The following HDLBP variants were observed in gnomAD, a reference collection of about 807,000 sequenced individuals.
HDLBP encodes vigilin.
Under a neutral mutation model 137.3 loss-of-function variants are expected in HDLBP, and 30 were observed. That is an observed-to-expected ratio of 0.22 (90% CI 0.16 to 0.30). The LOEUF (loss-of-function observed/expected upper bound fraction) is 0.30. Among genes scored for constraint, HDLBP ranks in the 10% least tolerant of loss-of-function variants. The pLI, the probability that HDLBP is intolerant of heterozygous loss-of-function variation, is 1.00. For synonymous variants in HDLBP, 606 were observed against 596.0 expected (o/e 1.02, Z -0.24); for missense variants, 1,119 against 1,667.3 (o/e 0.67, Z 5.73).
At chr2:241,296,110 A>G (rs1460854946) in intron 1 of HDLBP, among the ~76,000 whole-genome samples, 1 of 151,922 alleles carries the variant, frequency 6.6e-6, no homozygotes, top group African/African-American at 2.4e-5. Context: ...CAAAAAAAAA[A>G]AAAAAAAAGC....
intron 11 of HDLBP, chr2:241,250,289 T>C (rs1026156425): frequency 6.7e-5 from 16 of 240,246 alleles, no homozygotes; most frequent in South Asian, 2.4e-4. Context: ...GTCTGGGGTA[T>C]TGGCCAGGGC....
chr2:241,311,284 A>G (rs767388463), intron 1 of HDLBP, among the ~76,000 whole-genome samples: 3 of 152,250 alleles, frequency 2.0e-5, no homozygotes, highest in Non-Finnish European at 4.4e-5. Flanking sequence ...ACCGCGGAGC[A>G]AAATGATGTC....
intron 7 of HDLBP, 52 bp downstream of exon 7, chr2:241,256,132 A>C: frequency 1.2e-5 from 17 of 1,407,008 alleles, no homozygotes; most frequent in Non-Finnish European, 1.4e-5. Flanking sequence ...CCAGACCCAA[A>C]TCCTCATTTC....
Position 241,256,699 on chromosome 2 carries a change from G to T in HDLBP, c.558C>A (p.Ile186=). The T allele has an allele frequency of 6.2e-7, 1 of 1,614,218 alleles. No homozygotes were observed. Among genetic ancestry groups the T allele is most frequent in the Non-Finnish European group, 8.5e-7 (1 of 1,180,046 alleles). ...LELKTATKIQ[I]PRPDDPSNQI... The stretch of plus-strand genomic sequence containing the variant: ...GATTGCTGGGGTCATCTGGGCGTGG[G>T]ATCTGGATTTTGGTTGCAGTTTTTA... Residue 186 remains isoleucine, a synonymous_variant, in exon 6 of 28, where the codon ATC becomes ATA. Transcript: ENST00000310931.
At chr2:241,252,164 G>C (rs1376854044) in intron 11 of HDLBP, among the ~76,000 whole-genome samples, 1 of 152,074 alleles carries the variant, frequency 6.6e-6, no homozygotes, top group East Asian at 1.9e-4. Context: ...CCTGGCACAG[G>C]TGAGGCATAT....
At chr2:241,229,988 G>A in intron 26 of HDLBP, 27 bp from the exon 27 acceptor site, 5 of 1,582,268 alleles carry the variant, frequency 3.2e-6, no homozygotes, top group Non-Finnish European at 4.3e-6. Context: ...GGAAGACAGG[G>A]TCAGTCTGCC....
rs748619842 is a variant in HDLBP at position 241,233,704 on chromosome 2, C to A, written c.3288+116G>T. The A allele has an allele frequency of 2.1e-4, 229 of 1,115,872 alleles. No individual in the cohort carries two copies. Among genetic ancestry groups the A allele is most frequent in the Non-Finnish European group, 2.8e-4 (213 of 764,700 alleles). The allele number at this position is 1,115,872 out of a possible 1,614,324, so 69.1% of individuals were successfully genotyped here. A position where few individuals can be genotyped will look rare whatever the true frequency, so the allele number is the denominator to read the frequency against. On this transcript the variant is annotated intron_variant, in intron 24 of 27. Coordinates refer to ENST00000310931, the MANE Select transcript of HDLBP (RefSeq NM_005336.6). This position sits in a 1 kb window ranked among gnomAD's most constrained non-coding sequence, Gnocchi z 4.3. ...CCAGAATTAGGTCCTGAGAGACTTG[C>A]CACTCTCAACTTGGCCCTCGAACCC...
chr2:241,306,574 T>C (rs1225210029), intron 1 of HDLBP, among the ~76,000 whole-genome samples: 1 of 152,034 alleles, frequency 6.6e-6, no homozygotes, highest in African/African-American at 2.4e-5. Flanking sequence ...TTTCTTATTT[T>C]TAAAAGAAAG....
At chr2:241,294,550 C>T (rs2075113074) in intron 1 of HDLBP, among the ~76,000 whole-genome samples, 1 of 152,178 alleles carries the variant, frequency 6.6e-6, no homozygotes, top group South Asian at 2.1e-4. Context: ...GCCTTGAACT[C>T]CTGGGCTCAA....
rs755217872 is a variant in HDLBP, at chr2:241,233,808, C to A, written c.3288+12G>T. 4.3e-6 allele frequency: 7 copies of A among 1,613,902 alleles called. No homozygotes were observed. The highest frequency in any genetic ancestry group is 2.7e-5 in the African/African-American group (2 of 74,900). On this transcript the variant is annotated intron_variant, in intron 24 of 27. Coordinates refer to ENST00000310931, the MANE Select transcript of HDLBP (RefSeq NM_005336.6). The surrounding 1 kb of genome is among the most constrained non-coding windows in gnomAD (Gnocchi z 4.3). ...ACCTCTGCCCCCGACACGCTCCAACCGAGGCTCTCACCTGGTTCCCATCGT... is the reference window on the plus strand; with the variant it reads ...ACCTCTGCCCCCGACACGCTCCAACAGAGGCTCTCACCTGGTTCCCATCGT...
intron 2 of HDLBP, 83 bp from the exon 3 acceptor site, chr2:241,266,989 G>A: frequency 3.9e-6 from 4 of 1,012,890 alleles, no homozygotes; most frequent in Non-Finnish European, 6.2e-6. Flanking sequence ...TTTTAGCAAA[G>A]TTTTACTCTC....
chr2:241,250,010 G>A, intron 11 of HDLBP, 30 bp from the exon 12 acceptor site: 1 of 1,576,816 alleles, frequency 6.3e-7, no homozygotes, highest in East Asian at 2.2e-5. Flanking sequence ...ACACATTTAG[G>A]ACACAGACCA....
chr2:241,282,187 T>C (rs906856534), intron 1 of HDLBP, among the ~76,000 whole-genome samples: 1 of 152,220 alleles, frequency 6.6e-6, no homozygotes, highest in African/African-American at 2.4e-5. Context: ...AAGGACTCTT[T>C]AATAACCCAT....
Position 241,272,159 on chromosome 2 carries a change from G to C in HDLBP, c.-102-3618C>G, listed in dbSNP as rs539477482. On this transcript the variant is annotated intron_variant, in intron 1 of 27. Coordinates refer to ENST00000310931, the MANE Select transcript of HDLBP (RefSeq NM_005336.6). This position sits in a 1 kb window ranked among gnomAD's most constrained non-coding sequence, Gnocchi z 5.6. ...AAGAAGAGCAGCTTTCCCCACCCCC[G>C]AACACGTAGACTGACGCGGGCCCCG... The C allele has an allele frequency of 1.0e-6, 1 of 984,978 alleles. No homozygotes were observed. Among genetic ancestry groups the C allele is most frequent in the South Asian group, 4.7e-5 (1 of 21,282 alleles). 61.0% of individuals were successfully genotyped at this position (984,978 alleles called of 1,614,324 possible).
intron 8 of HDLBP, 76 bp from the exon 9 acceptor site, chr2:241,255,234 G>A (rs1317876999): frequency 2.1e-6 from 3 of 1,460,280 alleles, no homozygotes; most frequent in Non-Finnish European, 2.9e-6. Context: ...CTGCTCACCT[G>A]GGGCTCAGAG....
chr2:241,272,635 G>T lies in HDLBP; in HGVS notation c.-102-4094C>A. 1.0e-6 allele frequency: 1 copy of T among 970,988 alleles called. No homozygotes were observed. Among genetic ancestry groups the T allele is most frequent in the South Asian group, 4.8e-5 (1 of 21,012 alleles). 60.1% of individuals were successfully genotyped at this position (970,988 alleles called of 1,614,324 possible). ...AGCCTGGGGCCCGGGTGGGGGCCGC[G>T]GCACCCGGGCCCCTCCCCCTCCGCG... On this transcript the variant is annotated intron_variant, in intron 1 of 27. Coordinates refer to ENST00000310931, the MANE Select transcript of HDLBP (RefSeq NM_005336.6). This position sits in a 1 kb window ranked among gnomAD's most constrained non-coding sequence, Gnocchi z 5.6.
chr2:241,230,114 C>T lies in HDLBP; in HGVS notation c.3591+39G>A. 1 of 1,592,770 alleles carries T rather than the reference C, an allele frequency of 6.3e-7. No homozygotes were observed. Among genetic ancestry groups the T allele is most frequent in the Non-Finnish European group, 8.6e-7 (1 of 1,161,146 alleles). On this transcript the variant is annotated intron_variant, in intron 26 of 27. Coordinates refer to ENST00000310931, the MANE Select transcript of HDLBP (RefSeq NM_005336.6). The surrounding 1 kb of genome is among the most constrained non-coding windows in gnomAD (Gnocchi z 5.0). ...GCTGGGCCTCAGGCCGGTGGACGTGCCAGGGCGCCTCAGGGCTCCAAGGCC... is the reference window on the plus strand; with the variant it reads ...GCTGGGCCTCAGGCCGGTGGACGTGTCAGGGCGCCTCAGGGCTCCAAGGCC...
chr2:241,257,377 C>T (rs757259182), intron 5 of HDLBP, among the ~76,000 whole-genome samples: 17 of 152,130 alleles, frequency 1.1e-4, no homozygotes, highest in African/African-American at 2.9e-4. Flanking sequence ...GGACTACAGG[C>T]GTGCGCCACC....
At chr2:241,241,784 G>A (rs979519404) in intron 17 of HDLBP, among the ~76,000 whole-genome samples, 2 of 152,008 alleles carry the variant, frequency 1.3e-5, no homozygotes, top group Non-Finnish European at 2.9e-5. Flanking sequence ...ACATAAAAAT[G>A]TGCTAAAAAT....
Sources: gnomAD v4.1 joint callset for allele counts (sites outside exome capture counted in the v4.1 genomes callset) on GRCh38, gnomAD v4.1.1 for gene constraint, Gnocchi (gnomAD v3.1) non-coding constraint, MANE v1.5 for transcripts, NCBI Gene and HGNC (gene_info 2026-07-23, HGNC 2026-07-21) for gene names.